BCAS1: variants seen among roughly 807,000 people sequenced by gnomAD.
BCAS1 encodes breast carcinoma-amplified sequence 1.
BCAS1 carries 46 observed loss-of-function variants against 65.4 expected under a neutral mutation model. The ratio of observed to expected loss-of-function variants is 0.70; its 90% CI spans 0.55 to 0.90. The LOEUF (loss-of-function observed/expected upper bound fraction) is 0.90. BCAS1 is among the 40% of genes least tolerant of loss of function. BCAS1 has a pLI of 0.00. For synonymous variants in BCAS1, 298 were observed against 293.5 expected (o/e 1.02, Z -0.16); for missense variants, 793 against 771.2 (o/e 1.03, Z -0.33).
At chr20:53,950,588 G>A (rs1468159376) in intron 12 of BCAS1, among the ~76,000 whole-genome samples, 3 of 152,098 alleles carry the variant, frequency 2.0e-5, no homozygotes, top group Admixed American at 6.5e-5. Context: ...TAATTTTAAC[G>A]TTGTAGTTTT....
At chr20:54,050,066 C>A (rs2092183414) in intron 3 of BCAS1, among the ~76,000 whole-genome samples, 1 of 152,172 alleles carries the variant, frequency 6.6e-6, no homozygotes, top group South Asian at 2.1e-4. Flanking sequence ...TCTCTGGTAT[C>A]CAGAGGTCAC....
chr20:53,999,982 G>A (rs1327033884), intron 4 of BCAS1, among the ~76,000 whole-genome samples: 4 of 152,064 alleles, frequency 2.6e-5, no homozygotes, highest in South Asian at 2.1e-4. Flanking sequence ...CCCTCACCTC[G>A]GCCTCCCAAA....
intron 12 of BCAS1, among the ~76,000 whole-genome samples, chr20:53,953,226 G>A (rs2089585199): frequency 6.6e-6 from 1 of 152,188 alleles, no homozygotes; most frequent in South Asian, 2.1e-4. Context: ...CTGGTTCAGA[G>A]AGGCAATAAT....
At chr20:53,953,283 G>T in intron 12 of BCAS1, 149 bp downstream of exon 12, 1 of 995,620 alleles carries the variant, frequency 1.0e-6, no homozygotes, top group East Asian at 2.6e-5. Flanking sequence ...TGAACCTGCT[G>T]GAAGTCACAT....
At chr20:54,030,534 A>T (rs1411015104) in intron 3 of BCAS1, among the ~76,000 whole-genome samples, 1 of 141,156 alleles carries the variant, frequency 7.1e-6, no homozygotes, top group African/African-American at 2.5e-5. Context: ...ACAGAAAAAT[A>T]AAGGGAAGAA....
At position 54,028,390 on chromosome 20, in the gene BCAS1, A is replaced by C. The variant is rs1158705566; in HGVS notation, c.723+2T>G. Reference sequence around the variant, plus strand: ...CAAGTGGATACACCTTGGCACACTTACCTTCCCTGCAGGGACATCATCGGA... The same window carrying C: ...CAAGTGGATACACCTTGGCACACTTCCCTTCCCTGCAGGGACATCATCGGA... On this transcript the variant is annotated splice_donor_variant, in intron 4 of 12. Coordinates refer to ENST00000688948, the MANE Select transcript of BCAS1 (RefSeq NM_001366298.2). LOFTEE classifies it high-confidence loss of function. 6.2e-7 allele frequency: 1 copy of C among 1,614,132 alleles called. No homozygotes were observed. Among genetic ancestry groups the C allele is most frequent in the Non-Finnish European group, 8.5e-7 (1 of 1,179,996 alleles).
chr20:53,992,629 A>G lies in BCAS1; in HGVS notation c.945T>C (p.Ser315=), dbSNP rs2090791426. 7.3e-7 allele frequency: 1 copy of G among 1,365,898 alleles called. No homozygotes were observed. Among genetic ancestry groups the G allele is most frequent in the Non-Finnish European group, 9.8e-7 (1 of 1,021,726 alleles). The allele number at this position is 1,365,898 out of a possible 1,614,324, so 84.6% of individuals were successfully genotyped here. The change falls in exon 7 of 13, where the codon AGT becomes AGC. Residue 315 remains serine (S), a synonymous_variant. Transcript: ENST00000688948. The stretch of plus-strand genomic sequence containing the variant: ...TCTGACCAGCTTGTCCATCACAGAC[A>G]CTTTCTGCTTTCGATGCCTTTGGGG... ...DPEDTASKAE[S]VCDGQAGQKT...
At chr20:54,006,719 A>G (rs550317377) in intron 4 of BCAS1, among the ~76,000 whole-genome samples, 1 of 61,922 alleles carries the variant, frequency 1.6e-5, no homozygotes, top group South Asian at 1.0e-3. Context: ...CAAAAAAAAA[A>G]AAAAAAAAGT....
At chr20:54,005,277 G>A (rs1568867559) in intron 4 of BCAS1, among the ~76,000 whole-genome samples, 3 of 78,844 alleles carry the variant, frequency 3.8e-5, no homozygotes, top group Non-Finnish European at 9.0e-5. Flanking sequence ...GCAATATAGT[G>A]AGACCTTGTC....
At chr20:53,985,161 C>T (rs753781748) in intron 8 of BCAS1, 126 bp downstream of exon 8, 42 of 897,148 alleles carry the variant, frequency 4.7e-5, no homozygotes, top group South Asian at 1.8e-4. Flanking sequence ...AATGGGAAGC[C>T]GAGTCATTTT....
chr20:54,054,716 G>A (rs1028586532), intron 3 of BCAS1, among the ~76,000 whole-genome samples: 2 of 152,174 alleles, frequency 1.3e-5, no homozygotes, highest in African/African-American at 4.8e-5. Context: ...GTGTGAGGGC[G>A]AGGTACAAAT....
chr20:53,956,661 C>CAAA (rs143693739), intron 11 of BCAS1, among the ~76,000 whole-genome samples: 1 of 131,178 alleles, frequency 7.6e-6, no homozygotes, highest in Non-Finnish European at 1.7e-5. Context: ...AGTCACACAG[C>CAAA]AAAAAAAAAA....
intron 7 of BCAS1, 111 bp downstream of exon 7, chr20:53,992,401 A>G (rs1455274932): frequency 1.1e-6 from 1 of 875,830 alleles, no homozygotes. Flanking sequence ...AATGATCCCC[A>G]CCACCCAAGG....
rs536043877 is a variant in BCAS1 at position 54,039,285 on chromosome 20, A to G, written c.143-10313T>C. ...CGCATTTCATGCTTTTCATCTGTACATTAAAAAGCCAGAATGTCTTTGCCA... is the reference window on the plus strand; with the variant it reads ...CGCATTTCATGCTTTTCATCTGTACGTTAAAAAGCCAGAATGTCTTTGCCA... On this transcript the variant is annotated intron_variant, in intron 3 of 12. Transcript: ENST00000688948. Among the ~76,000 whole-genome samples the G allele has an allele frequency of 5.9e-5, 9 of 151,728 alleles. No homozygotes were observed. In the East Asian group the frequency reaches 1.3e-3, roughly 23 times the overall value.
At chr20:54,060,352 GC>G (rs1328046395) in intron 1 of BCAS1, among the ~76,000 whole-genome samples, 1 of 152,152 alleles carries the variant, frequency 6.6e-6, no homozygotes, top group Non-Finnish European at 1.5e-5. Context: ...TCTCTCTGTT[GC>G]CCAGGATGGA....
chr20:53,965,700 T>C (rs2145618086), intron 10 of BCAS1, among the ~76,000 whole-genome samples: 2 of 152,344 alleles, frequency 1.3e-5, no homozygotes, highest in East Asian at 3.9e-4. Context: ...TCCAAATTTG[T>C]GTCACTCACG....
At chr20:53,954,419 G>T (rs2089639215) in intron 11 of BCAS1, among the ~76,000 whole-genome samples, 1 of 151,748 alleles carries the variant, frequency 6.6e-6, no homozygotes, top group African/African-American at 2.4e-5. Flanking sequence ...GCTTTGAAGG[G>T]GCTACTCCCA....
intron 11 of BCAS1, 47 bp downstream of exon 11, chr20:53,957,385 G>A (rs1386219895): frequency 4.6e-6 from 7 of 1,507,586 alleles, no homozygotes; most frequent in Non-Finnish European, 6.5e-6. Flanking sequence ...GAAGAAGTGA[G>A]AATACACCAC....
chr20:53,944,692 C>A lies in BCAS1; in HGVS notation c.*230G>T. 3.8e-6 allele frequency: 2 copies of A among 524,834 alleles called. No homozygotes were observed. Among genetic ancestry groups the A allele is most frequent in the South Asian group, 2.1e-5 (1 of 47,292 alleles). The allele number at this position is 524,834 out of a possible 1,614,324, so 32.5% of individuals were successfully genotyped here. A position where few individuals can be genotyped will look rare whatever the true frequency, so the allele number is the denominator to read the frequency against. On this transcript the variant is annotated 3_prime_UTR_variant, in exon 13 of 13. Coordinates refer to ENST00000688948, the MANE Select transcript of BCAS1 (RefSeq NM_001366298.2). ...CTTGGTGATCATCGACTCTTCTGAC[C>A]CAACTAGGTGACCTGCTAAACCATC...
Sources: gnomAD v4.1 joint callset for allele counts (sites outside exome capture counted in the v4.1 genomes callset) on GRCh38, gnomAD v4.1.1 for gene constraint, MANE v1.5 for transcripts, NCBI Gene and HGNC (gene_info 2026-07-23, HGNC 2026-07-21) for gene names.